The following P4HA1 variants were observed in gnomAD, a reference collection of about 807,000 sequenced individuals.
P4HA1 encodes the protein prolyl 4-hydroxylase subunit alpha 1.
P4HA1 carries 24 observed loss-of-function variants against 72.8 expected under a neutral mutation model. The ratio of observed to expected loss-of-function variants is 0.33; its 90% CI spans 0.24 to 0.46. P4HA1 has a LOEUF of 0.46. Ranked by LOEUF, P4HA1 falls within the 20% of genes least tolerant of loss-of-function variation. P4HA1 has a pLI of 1.00. For synonymous variants in P4HA1, 201 were observed against 218.8 expected (o/e 0.92, Z 0.72); for missense variants, 446 against 640.6 (o/e 0.70, Z 3.28).
chr10:73,025,809 T>C (rs944244347), intron 10 of P4HA1, among the ~76,000 whole-genome samples: 5 of 152,198 alleles, frequency 3.3e-5, no homozygotes, highest in African/African-American at 1.2e-4. Flanking sequence ...AGCATTCCTA[T>C]ATACCAATAA....
intron 5 of P4HA1, among the ~76,000 whole-genome samples, chr10:73,059,814 G>C: frequency 6.6e-6 from 1 of 151,774 alleles, no homozygotes; most frequent in Non-Finnish European, 1.5e-5. Context: ...GGTGGTACTT[G>C]CATGCCTGTA....
chr10:73,093,229 C>T (rs1564640575), intron 1 of P4HA1, among the ~76,000 whole-genome samples: 2 of 151,050 alleles, frequency 1.3e-5, no homozygotes, highest in Non-Finnish European at 2.9e-5. Context: ...AAACACTAAA[C>T]ATGAGGAAGA....
chr10:73,056,213 C>T (rs994873546), intron 5 of P4HA1, among the ~76,000 whole-genome samples: 13 of 151,352 alleles, frequency 8.6e-5, no homozygotes, highest in Non-Finnish European at 1.8e-4. Flanking sequence ...AAGCTAAAAG[C>T]GAGGAAATAA....
At chr10:73,045,241 T>C (rs76174583) in intron 8 of P4HA1, among the ~76,000 whole-genome samples, 190 bp from the exon 9 acceptor site, 3 of 151,762 alleles carry the variant, frequency 2.0e-5, no homozygotes, top group South Asian at 2.1e-4. Flanking sequence ...TTTTTTTTTT[T>C]TCTTCAATTT....
chr10:73,076,252 A>T (rs1841694759), intron 1 of P4HA1, among the ~76,000 whole-genome samples: 1 of 151,988 alleles, frequency 6.6e-6, no homozygotes, highest in South Asian at 2.1e-4. Context: ...TTTAAGAGAC[A>T]GGGGTCTTGT....
chr10:73,022,681 G>A (rs1310390909), intron 10 of P4HA1, among the ~76,000 whole-genome samples: 1 of 152,026 alleles, frequency 6.6e-6, no homozygotes, highest in Non-Finnish European at 1.5e-5. Context: ...CAGAAGGTCG[G>A]TAATAACAAA....
chr10:73,080,566 C>T (rs1319129107), intron 1 of P4HA1, among the ~76,000 whole-genome samples: 2 of 152,250 alleles, frequency 1.3e-5, no homozygotes, highest in Non-Finnish European at 2.9e-5. Flanking sequence ...CATTCATCCA[C>T]ATTCATTCAG....
chr10:73,043,945 T>C (rs1410671360), intron 9 of P4HA1: 2 of 1,612,244 alleles, frequency 1.2e-6, no homozygotes, highest in African/African-American at 1.3e-5. Flanking sequence ...TCATGTACTG[T>C]AGCTCGGCTC....
In P4HA1 at chr10:73,014,217, G is replaced by A. The variant is rs73272315; in HGVS notation, c.1368+7C>T. 8,175 of 1,593,318 alleles carry A rather than the reference G, an allele frequency of 5.1e-3. 331 individuals are homozygous for A. In the African/African-American group the frequency reaches 0.089, roughly 17 times the overall value. The stretch of plus-strand genomic sequence containing the variant: ...AACTTAATCTAAAAATTTTAGTGAC[G>A]ACTTACATAAAACAGCCATGTAGCA... On this transcript the variant is annotated splice_region_variant and intron_variant, in intron 12 of 14. Coordinates refer to ENST00000394890, the MANE Select transcript of P4HA1 (RefSeq NM_001017962.3).
At chr10:73,071,719 T>C (rs886965895) in intron 4 of P4HA1, among the ~76,000 whole-genome samples, 1 of 152,064 alleles carries the variant, frequency 6.6e-6, no homozygotes, top group African/African-American at 2.4e-5. Context: ...GATAAAGACA[T>C]AAATTTTTAA....
At chr10:73,016,732 G>A (rs1589573930) in intron 11 of P4HA1, 114 bp downstream of exon 11, 6 of 676,716 alleles carry the variant, frequency 8.9e-6, no homozygotes, top group African/African-American at 5.4e-5. Context: ...AGCCAAGATC[G>A]TGCTACTGCA....
chr10:73,081,372 T>C (rs1053269024), intron 1 of P4HA1, among the ~76,000 whole-genome samples: 1 of 152,172 alleles, frequency 6.6e-6, no homozygotes, highest in African/African-American at 2.4e-5. Flanking sequence ...ATTGGTTAGA[T>C]AGGTTCAAAA....
intron 11 of P4HA1, among the ~76,000 whole-genome samples, chr10:73,016,273 A>G (rs1840005955): frequency 6.6e-6 from 1 of 152,138 alleles, no homozygotes; most frequent in Non-Finnish European, 1.5e-5. Context: ...CTTACCTCTT[A>G]GTAATTTTCC....
chr10:73,009,745 TA>T, intron 14 of P4HA1, 61 bp downstream of exon 14: 1 of 949,140 alleles, frequency 1.1e-6, no homozygotes, highest in South Asian at 1.4e-5. Flanking sequence ...AAGACACAGA[TA>T]ATAGTTCCAA....
chr10:73,024,495 G>A (rs954942466), intron 10 of P4HA1, among the ~76,000 whole-genome samples: 1 of 152,148 alleles, frequency 6.6e-6, no homozygotes, highest in Non-Finnish European at 1.5e-5. Context: ...TTAAAGCAGT[G>A]TAGAGGAAAA....
intron 1 of P4HA1, among the ~76,000 whole-genome samples, chr10:73,096,157 C>G (rs1171672359): frequency 3.9e-5 from 6 of 152,214 alleles, no homozygotes; most frequent in Non-Finnish European, 8.8e-5. Context: ...AGCTCGGCGC[C>G]CCGGGCTACG....
chr10:73,035,627 T>C (rs192325377), intron 9 of P4HA1, among the ~76,000 whole-genome samples: 2 of 152,342 alleles, frequency 1.3e-5, no homozygotes, highest in South Asian at 2.1e-4. Context: ...TTCTCTGTTA[T>C]AAACAATATT....
At chr10:73,030,201 G>A (rs1254495442) in intron 10 of P4HA1, 70 bp downstream of exon 10, 6 of 677,722 alleles carry the variant, frequency 8.9e-6, no homozygotes, top group Admixed American at 7.8e-5. Flanking sequence ...TGCCTGTTCA[G>A]TGTCAGGAAA....
chr10:73,056,674 C>T (rs1841155034), intron 5 of P4HA1, among the ~76,000 whole-genome samples: 1 of 151,878 alleles, frequency 6.6e-6, no homozygotes, highest in Admixed American at 6.6e-5. Context: ...AATACCCCAA[C>T]AAAGAGCAGG....
Sources: allele counts gnomAD v4.1 joint callset (sites outside exome capture counted in the v4.1 genomes callset), GRCh38; gene constraint gnomAD v4.1.1; transcripts MANE v1.5; gene names NCBI Gene and HGNC (gene_info 2026-07-23, HGNC 2026-07-21).